TBC1D23: variants seen among roughly 807,000 people sequenced by gnomAD.
The protein encoded by TBC1D23 is TBC1 domain family member 23.
A neutral mutation model predicts 91.4 loss-of-function variants in TBC1D23; 55 were observed. The observed-to-expected ratio is 0.60, with a 90% CI of 0.48 to 0.75. The LOEUF (loss-of-function observed/expected upper bound fraction) is 0.75. Ranked by LOEUF, TBC1D23 falls within the 30% of genes least tolerant of loss-of-function variation. The pLI is 0.00. For missense variants in TBC1D23, 725 were observed against 836.1 expected (o/e 0.87, Z 1.64); for synonymous variants, 289 against 281.0 (o/e 1.03, Z -0.28).
chr3:100,265,973 G>C (rs1281510357), intron 1 of TBC1D23, among the ~76,000 whole-genome samples: 1 of 152,002 alleles, frequency 6.6e-6, no homozygotes, highest in Non-Finnish European at 1.5e-5. Context: ...TAAGAACTAA[G>C]TGATTGAAAT....
At chr3:100,320,002 A>C (rs1705821684) in intron 17 of TBC1D23, among the ~76,000 whole-genome samples, 1 of 151,952 alleles carries the variant, frequency 6.6e-6, no homozygotes, top group African/African-American at 2.4e-5. Context: ...GTGTCCCCAA[A>C]GTATCTTTTG....
At chr3:100,313,996 A>G (rs1386138999) in intron 15 of TBC1D23, among the ~76,000 whole-genome samples, 1 of 151,876 alleles carries the variant, frequency 6.6e-6, no homozygotes, top group Non-Finnish European at 1.5e-5. Flanking sequence ...CTAACTTGTA[A>G]TTTCCAAAGA....
At position 100,307,409 on chromosome 3, in the gene TBC1D23, T is replaced by C. The variant is rs139965402; in HGVS notation, c.1413+866T>C. On this transcript the variant is annotated intron_variant, in intron 13 of 18. Coordinates refer to ENST00000394144, the MANE Select transcript of TBC1D23 (RefSeq NM_001199198.3). ...TTTCTTCATGATCTCCAGCAAGATC[T>C]TTGAGCTGTGGTTTCTCCACCTGTG... is the stretch of plus-strand genomic sequence containing the variant. Among the ~76,000 whole-genome samples the C allele has an allele frequency of 4.7e-3, 713 of 152,356 alleles. 2 individuals carry two copies. The highest frequency in any genetic ancestry group is 6.4e-3 in the Non-Finnish European group (433 of 68,014).
At chr3:100,306,668 A>G (rs1219449579) in intron 13 of TBC1D23, 125 bp downstream of exon 13, 6 of 568,944 alleles carry the variant, frequency 1.1e-5, no homozygotes, top group Non-Finnish European at 1.6e-5. Context: ...ATGAAGAGTC[A>G]TATTATTGTG....
intron 16 of TBC1D23, among the ~76,000 whole-genome samples, chr3:100,318,771 C>T (rs1367876241): frequency 6.6e-6 from 1 of 151,928 alleles, no homozygotes; most frequent in Non-Finnish European, 1.5e-5. Flanking sequence ...ATGCCTCAGC[C>T]TCCCGAGTAT....
rs764803038 is a variant in TBC1D23, at chr3:100,290,512, T to C, written c.477-66T>C. On this transcript the variant is annotated intron_variant, in intron 4 of 18. Coordinates refer to ENST00000394144, the MANE Select transcript of TBC1D23 (RefSeq NM_001199198.3). ...TGCTGTGGAGGGTATAGCAGGAAGA[T>C]TGGTTACTGATGTGATTATTTCTGA... 246 of 1,448,170 alleles carry C rather than the reference T, an allele frequency of 1.7e-4. 1 individual carries two copies. The highest frequency in any genetic ancestry group is 2.2e-4 in the Non-Finnish European group (229 of 1,039,544). The allele number at this position is 1,448,170 out of a possible 1,614,324, so 89.7% of individuals were successfully genotyped here.
intron 1 of TBC1D23, among the ~76,000 whole-genome samples, chr3:100,268,114 G>A (rs1232437552): frequency 1.3e-5 from 2 of 152,194 alleles, no homozygotes; most frequent in African/African-American, 4.8e-5. Flanking sequence ...CGAGGCTGCA[G>A]TGAGCTGTGC....
intron 1 of TBC1D23, among the ~76,000 whole-genome samples, chr3:100,272,058 A>G (rs1182323282): frequency 1.3e-5 from 2 of 152,172 alleles, no homozygotes; most frequent in Non-Finnish European, 2.9e-5. Flanking sequence ...TGGGGAGGAT[A>G]CTTACTCCCT....
At chr3:100,267,251 A>C (rs1053137861) in intron 1 of TBC1D23, 1 of 450,806 alleles carries the variant, frequency 2.2e-6, no homozygotes, top group Admixed American at 2.4e-5. Flanking sequence ...GAAAGCAGGT[A>C]AGTACCTTCC....
At chr3:100,312,842 T>TTA (rs1576184634) in intron 15 of TBC1D23, among the ~76,000 whole-genome samples, 1 of 152,086 alleles carries the variant, frequency 6.6e-6, no homozygotes, top group East Asian at 1.9e-4. Flanking sequence ...TTTTTAAGAA[T>TTA]AATACTTCAC....
Position 100,263,198 on chromosome 3 carries a change from G to A in TBC1D23, c.53+2127G>A, listed in dbSNP as rs1347714198. On this transcript the variant is annotated intron_variant, in intron 1 of 18. Coordinates refer to ENST00000394144, the MANE Select transcript of TBC1D23 (RefSeq NM_001199198.3). ...GGGGAGTTGTTCTCTGGCGGGCAGA[G>A]TGGGTGTCCCAAGGTGCTCAGTGGG... is the stretch of plus-strand genomic sequence containing the variant. Among the ~76,000 whole-genome samples, 4 of 152,388 alleles carry A rather than the reference G, an allele frequency of 2.6e-5. No individual in the cohort carries two copies. In the South Asian group the frequency reaches 8.3e-4, roughly 32 times the overall value.
At chr3:100,317,131 C>T (rs925213786) in intron 16 of TBC1D23, among the ~76,000 whole-genome samples, 1 of 151,658 alleles carries the variant, frequency 6.6e-6, no homozygotes, top group Non-Finnish European at 1.5e-5. Flanking sequence ...TACTGTCCAG[C>T]TTATCCTAAT....
At chr3:100,297,331 T>TTTCTTTTTAAGTCCC (rs1433983960) in intron 8 of TBC1D23, among the ~76,000 whole-genome samples, 1 of 152,222 alleles carries the variant, frequency 6.6e-6, no homozygotes, top group Non-Finnish European at 1.5e-5. Context: ...AAATAACTAA[T>TTTCTTTTTAAGTCCC]TTAAAAAGAC....
intron 16 of TBC1D23, 94 bp downstream of exon 16, chr3:100,316,281 A>G: frequency 1.2e-6 from 1 of 860,996 alleles, no homozygotes; most frequent in Admixed American, 2.3e-5. Flanking sequence ...GCTTTTTTAA[A>G]AAAATGAGAT....
rs577868790 is a variant in TBC1D23 at position 100,297,834 on chromosome 3, T to C, written c.877-89T>C. 1.5e-5 allele frequency: 17 copies of C among 1,141,254 alleles called. No homozygotes were observed. The African/African-American group carries it at 2.5e-4, about 17-fold the overall frequency. The allele number at this position is 1,141,254 out of a possible 1,614,324, so 70.7% of individuals were successfully genotyped here. A position where few individuals can be genotyped will look rare whatever the true frequency, so the allele number is the denominator to read the frequency against. On this transcript the variant is annotated intron_variant, in intron 8 of 18. Transcript: ENST00000394144. ...ATCACAACTCAAGAGTATTATAATTTTACCTTTTATCATGGTTTAATAAGA... is the reference window on the plus strand; with the variant it reads ...ATCACAACTCAAGAGTATTATAATTCTACCTTTTATCATGGTTTAATAAGA...
At position 100,302,189 on chromosome 3, in the gene TBC1D23, G is replaced by A; in HGVS notation, c.1215G>A (p.Arg405=). ...GEHLCFMGSG[R]EEEDMYMNMV... ...ACCTCTGTTTTATGGGCAGTGGCAG[G>A]GAGGAAGAAGACATGTATATGAACA... The change falls in exon 11 of 19, where the codon AGG becomes AGA. Residue 405 remains arginine, a synonymous_variant. Coordinates refer to ENST00000394144, the MANE Select transcript of TBC1D23 (RefSeq NM_001199198.3). 6.2e-7 allele frequency: 1 copy of A among 1,613,978 alleles called. No individual in the cohort carries two copies.
At chr3:100,287,472 A>T (rs1480734902) in intron 4 of TBC1D23, among the ~76,000 whole-genome samples, 1 of 152,230 alleles carries the variant, frequency 6.6e-6, no homozygotes, top group Non-Finnish European at 1.5e-5. Context: ...TTGGAAGATG[A>T]GATCATGAAC....
rs773441630 is a variant in TBC1D23, at chr3:100,261,064, G to A, written c.46G>A (p.Asp16Asn). Reference protein sequence around the residue: ...DVPPLPTSSGDGWEKDLEEAL... With the variant: ...DVPPLPTSSGNGWEKDLEEAL... ...GCCGCCGCTGCCAACGTCGAGCGGC[G>A]ACGGCTGGTGAGTGAAAGCCGGGGC... The change falls in exon 1 of 19, where the codon GAC becomes AAC. Residue 16 changes from aspartate (D) to asparagine (N), a missense_variant. Physicochemically the swap from Asp to Asn is conservative, Grantham distance 23 (BLOSUM62 1). Coordinates refer to ENST00000394144, the MANE Select transcript of TBC1D23 (RefSeq NM_001199198.3). The A allele has an allele frequency of 3.7e-6, 6 of 1,613,772 alleles. No homozygotes were observed. The South Asian group carries it at 6.6e-5, about 18-fold the overall frequency.
chr3:100,273,141 C>T (rs2067614643), intron 1 of TBC1D23, among the ~76,000 whole-genome samples: 5 of 152,134 alleles, frequency 3.3e-5, no homozygotes, highest in Admixed American at 2.0e-4. Flanking sequence ...CCTGGCTTTC[C>T]TAGGCAGAGG....
Sources: gnomAD v4.1 joint callset for allele counts (sites outside exome capture counted in the v4.1 genomes callset) on GRCh38, gnomAD v4.1.1 for gene constraint, MANE v1.5 for transcripts, NCBI Gene and HGNC (gene_info 2026-07-23, HGNC 2026-07-21) for gene names.